The following ZNF705A variants were observed in gnomAD, a reference collection of about 807,000 sequenced individuals.
The protein encoded by ZNF705A is zinc finger protein 705A.
In ZNF705A, 8 loss-of-function variants were observed where a neutral mutation model predicts 16.6. That is an observed-to-expected ratio of 0.48 (90% CI 0.28 to 0.87). The LOEUF (loss-of-function observed/expected upper bound fraction) is 0.87. ZNF705A is among the 40% of genes least tolerant of loss of function. ZNF705A has a pLI of 0.10. For missense variants in ZNF705A, 233 were observed against 359.9 expected (o/e 0.65, Z 2.85); for synonymous variants, 73 against 117.3 (o/e 0.62, Z 2.44).
upstream of ZNF705A, among the ~76,000 whole-genome samples, chr12:8,169,614 A>G (rs775813390): frequency 6.6e-6 from 1 of 152,236 alleles, no homozygotes; most frequent in Admixed American, 6.5e-5. Context: ...AATCTACTAA[A>G]TAATAGCACT....
upstream of ZNF705A, among the ~76,000 whole-genome samples, chr12:8,169,492 CTG>C (rs1440597614): frequency 6.6e-6 from 1 of 152,188 alleles, no homozygotes. Context: ...CTCCTTTACT[CTG>C]TGGTGGTCTT....
chr12:8,176,760 A>G (rs1355426251), intron 4 of ZNF705A, among the ~76,000 whole-genome samples: 1 of 152,136 alleles, frequency 6.6e-6, no homozygotes, highest in Non-Finnish European at 1.5e-5. Context: ...TTGTAGCCGT[A>G]TTATTTAGGA....
At chr12:8,177,196 T>C (rs1948492261) in exon 5 of ZNF705A, 5 of 1,611,868 alleles carry the variant, frequency 3.1e-6, no homozygotes, top group African/African-American at 1.3e-5. Context: ...GTAAATCATA[T>C]CAATGTAATC....
At chr12:8,166,976 G>A (rs776127293) in intron 1 of ZNF705A, among the ~76,000 whole-genome samples, 12 of 152,308 alleles carry the variant, frequency 7.9e-5, no homozygotes, top group African/African-American at 2.9e-4. Context: ...CCAAATTTCT[G>A]CAGCCTGCTT....
chr12:8,171,698 C>G (rs1439369617), upstream of ZNF705A, among the ~76,000 whole-genome samples: 1 of 151,898 alleles, frequency 6.6e-6, no homozygotes, highest in Non-Finnish European at 1.5e-5. Flanking sequence ...TGTTGACCCT[C>G]TAAGTGAAAT....
exon 5 of ZNF705A, chr12:8,177,955 T>A: frequency 3.6e-6 from 1 of 274,152 alleles, no homozygotes; most frequent in Non-Finnish European, 6.9e-6. Context: ...TGAGCATAAA[T>A]GACATGAGAG....
chr12:8,167,325 C>T (rs1027572540), intron 1 of ZNF705A, among the ~76,000 whole-genome samples: 5 of 152,180 alleles, frequency 3.3e-5, no homozygotes, highest in Non-Finnish European at 7.3e-5. Context: ...TGGTTTCCAA[C>T]TTTGTGTGAG....
At chr12:8,159,085 G>A (rs111472458) in intron 1 of ZNF705A, among the ~76,000 whole-genome samples, 3,020 of 152,108 alleles carry the variant, frequency 0.02, 101 homozygotes, top group African/African-American at 0.067. Flanking sequence ...TTCCTGAGTT[G>A]CTTCACTTAG....
chr12:8,160,248 T>C (rs1045663322), intron 1 of ZNF705A, among the ~76,000 whole-genome samples: 4 of 152,036 alleles, frequency 2.6e-5, no homozygotes, highest in Admixed American at 2.6e-4. Context: ...ATTTTGAAAT[T>C]AGGTAGTGTG....
At chr12:8,173,048 G>T (rs1948456962) in intron 1 of ZNF705A, among the ~76,000 whole-genome samples, 1 of 152,230 alleles carries the variant, frequency 6.6e-6, no homozygotes, top group South Asian at 2.1e-4. Flanking sequence ...ATAGACTTAG[G>T]ATTGTGATGA....
At chr12:8,161,099 T>C (rs749046221) in intron 1 of ZNF705A, among the ~76,000 whole-genome samples, 11 of 152,314 alleles carry the variant, frequency 7.2e-5, no homozygotes, top group African/African-American at 2.6e-4. Flanking sequence ...GATTTTTGTT[T>C]CTAATTCTGT....
At chr12:8,157,047 C>T in exon 1 of ZNF705A, 2 of 397,988 alleles carry the variant, frequency 5.0e-6, no homozygotes, top group Non-Finnish European at 4.4e-6. Context: ...TGGAAAATTG[C>T]AAGGGGTTTT....
upstream of ZNF705A, among the ~76,000 whole-genome samples, chr12:8,168,002 C>T (rs1433439279): frequency 2.0e-5 from 3 of 152,284 alleles, no homozygotes; most frequent in Non-Finnish European, 2.9e-5. Flanking sequence ...GGAGAGTTTC[C>T]GGCATGCACA....
At chr12:8,176,064 A>C in intron 4 of ZNF705A, 122 bp downstream of exon 5, 1 of 1,466,854 alleles carries the variant, frequency 6.8e-7, no homozygotes, top group Non-Finnish European at 9.3e-7. Context: ...TCTAAGCAAA[A>C]AAAAATTGAA....
At chr12:8,160,317 G>A (rs1003930903) in intron 1 of ZNF705A, among the ~76,000 whole-genome samples, 1 of 151,936 alleles carries the variant, frequency 6.6e-6, no homozygotes. Context: ...GCTCCTTTTT[G>A]GTTTCATATG....
Position 8,163,987 on chromosome 12 carries a change from G to A in ZNF705A, c.-72+6895G>A, listed in dbSNP as rs144849930. Among the ~76,000 whole-genome samples the A allele has an allele frequency of 3.7e-4, 56 of 152,150 alleles. 1 individual carries two copies. In the East Asian group the frequency reaches 0.01, roughly 28 times the overall value. On this transcript the variant is annotated intron_variant, in intron 1 of 5. Coordinates refer to the ZNF705A transcript ENST00000396570. ...AGGTGTGCATCTCAGTGAGCTTGGG[G>A]ATAAGTACACACCATGAACACATCA...
chr12:8,176,024 T>C (rs1948482040), intron 4 of ZNF705A, 82 bp downstream of exon 5: 1 of 1,584,674 alleles, frequency 6.3e-7, no homozygotes, highest in Admixed American at 1.9e-5. Flanking sequence ...CACAATCACC[T>C]GAGTGTAATT....
At chr12:8,158,915 T>A (rs1204184252) in intron 1 of ZNF705A, among the ~76,000 whole-genome samples, 1 of 152,094 alleles carries the variant, frequency 6.6e-6, no homozygotes, top group Non-Finnish European at 1.5e-5. Context: ...TGCACCCATC[T>A]CCCGAGCAGT....
At chr12:8,177,588 A>G in exon 5 of ZNF705A, 1 of 1,370,006 alleles carries the variant, frequency 7.3e-7, no homozygotes. Flanking sequence ...AGATGACATG[A>G]GAGAACATGC....
Sources: allele counts gnomAD v4.1 joint callset (sites outside exome capture counted in the v4.1 genomes callset), GRCh38; gene constraint gnomAD v4.1.1; transcripts MANE v1.5; gene names NCBI Gene and HGNC (gene_info 2026-07-23, HGNC 2026-07-21).